Variants in RAE1 observed in about 807,000 individuals in gnomAD.
The protein encoded by RAE1 is mRNA export factor RAE1.
A neutral mutation model predicts 52.7 loss-of-function variants in RAE1; 13 were observed. The observed-to-expected ratio is 0.25, with a 90% CI of 0.16 to 0.39. RAE1 has a LOEUF of 0.39. RAE1 is among the 10% of genes least tolerant of loss of function. The pLI is 1.00. For missense variants in RAE1, 262 were observed against 459.8 expected (o/e 0.57, Z 3.93); for synonymous variants, 164 against 153.1 (o/e 1.07, Z -0.52).
In RAE1 at chr20:57,374,618, C is replaced by T. The variant is rs374583497; in HGVS notation, c.837C>T (p.Ile279=). Residue 279 remains isoleucine, a synonymous_variant, in exon 11 of 12, where the codon ATC becomes ATT. Coordinates refer to ENST00000395841, the MANE Select transcript of RAE1 (RefSeq NM_003610.4). ...GTCAATCCTTGCAGGTAAATGGAAT[C>T]GCGTTCCATCCTGTTCATGGCACCC... ...APQDIYAVNG[I]AFHPVHGTLA... The T allele has an allele frequency of 2.9e-5, 46 of 1,611,940 alleles. 1 individual carries two copies. The Middle Eastern group carries it at 4.9e-4, about 17-fold the overall frequency.
intron 1 of RAE1, chr20:57,351,826 C>G (rs73914831): frequency 1.0e-6 from 1 of 985,314 alleles, no homozygotes; most frequent in African/African-American, 1.7e-5. Context: ...GTAGCAGTTA[C>G]CAGTCTCTGA....
Position 57,356,539 on chromosome 20 carries a change from G to A in RAE1, c.288+1G>A. On this transcript the variant is annotated splice_donor_variant, in intron 4 of 11. Coordinates refer to ENST00000395841, the MANE Select transcript of RAE1 (RefSeq NM_003610.4). LOFTEE classifies it high-confidence loss of function. ...TGTGCTTGATGTCTGCTGGAGTGAC[G>A]TACGTTCCCTTCCATTTCTCGTGTT... 1.9e-6 allele frequency: 3 copies of A among 1,606,144 alleles called. No individual in the cohort carries two copies. The highest frequency in any genetic ancestry group is 1.7e-6 in the Non-Finnish European group (2 of 1,173,606).
chr20:57,365,445 AAC>A lies in RAE1; in HGVS notation c.375+5_375+6del, dbSNP rs1486599496. The stretch of plus-strand genomic sequence containing the variant: ...ACCAAGCGATACAGATCGCACAGGT[AAC>A]AGAAGCCTCTGCAGAAAGGCTAGGC... On this transcript the variant is annotated splice_donor_5th_base_variant and intron_variant, in intron 5 of 11. Transcript: ENST00000395841. 6.3e-7 allele frequency: 1 copy of A among 1,590,650 alleles called. No homozygotes were observed. Among genetic ancestry groups the A allele is most frequent in the African/African-American group, 1.3e-5 (1 of 74,426 alleles).
chr20:57,359,845 C>G (rs1600712287), intron 4 of RAE1: 1 of 152,338 alleles, frequency 6.6e-6, no homozygotes, highest in Middle Eastern at 3.4e-3. Context: ...CAATACAGTT[C>G]TTTCATCCTT....
chr20:57,368,705 A>G lies in RAE1; in HGVS notation c.535A>G (p.Ile179Val), dbSNP rs749234473. ...LPERCYCADV[I>V]YPMAVVATAE... ...ATCTCTGTTTTCTTCCATTCCCTAG[A>G]TATACCCCATGGCTGTGGTGGCAAC... The change falls in exon 8 of 12, where the codon ATA becomes GTA. Residue 179 changes from isoleucine (I) to valine (V), a missense_variant and splice_region_variant. Transcript: ENST00000395841. 3.0e-5 allele frequency: 48 copies of G among 1,606,938 alleles called. No individual in the cohort carries two copies. Among genetic ancestry groups the G allele is most frequent in the African/African-American group, 5.4e-5 (4 of 74,746 alleles).
chr20:57,375,747 C>CAT (rs1273771415), intron 11 of RAE1, among the ~76,000 whole-genome samples: 1 of 152,210 alleles, frequency 6.6e-6, no homozygotes, highest in African/African-American at 2.4e-5. Context: ...CAGCTGTACT[C>CAT]AGAGTCCCTG....
At chr20:57,359,276 A>G (rs1299440309) in intron 4 of RAE1, 1 of 317,684 alleles carries the variant, frequency 3.1e-6, no homozygotes, top group Non-Finnish European at 5.7e-6. Context: ...GGTGTTTATT[A>G]TATCATTTAT....
chr20:57,369,617 T>C (rs78525966), intron 8 of RAE1, among the ~76,000 whole-genome samples: 2 of 152,224 alleles, frequency 1.3e-5, no homozygotes, highest in South Asian at 4.1e-4. Flanking sequence ...AGAATAAAAT[T>C]ACACATCTGG....
At chr20:57,363,236 A>G (rs941552152) in intron 4 of RAE1, among the ~76,000 whole-genome samples, 2 of 152,202 alleles carry the variant, frequency 1.3e-5, no homozygotes, top group South Asian at 2.1e-4. Flanking sequence ...TTTCTTGTTT[A>G]GAAAATGAAG....
intron 1 of RAE1, among the ~76,000 whole-genome samples, chr20:57,353,611 A>G (rs2066742905): frequency 6.6e-6 from 1 of 152,244 alleles, no homozygotes; most frequent in African/African-American, 2.4e-5. Context: ...ACTAGGTGGA[A>G]ACCTGAAAGC....
chr20:57,368,900 T>G, intron 8 of RAE1, 88 bp downstream of exon 8: 1 of 1,075,426 alleles, frequency 9.3e-7, no homozygotes, highest in Non-Finnish European at 1.4e-6. Context: ...TTGTACTTTG[T>G]AAAACCTGTA....
rs1438288403 is a variant in RAE1, at chr20:57,379,145, A to G, written c.*1046A>G. ...AAAATTCTAGTATCGATAGTGTTGT[A>G]AGATGTGTTTGCCTACTCATAAAAA... On this transcript the variant is annotated 3_prime_UTR_variant, in exon 12 of 12. Coordinates refer to ENST00000395841, the MANE Select transcript of RAE1 (RefSeq NM_003610.4). 1 of 152,158 alleles carries G rather than the reference A, an allele frequency of 6.6e-6. No homozygotes were observed. Among genetic ancestry groups the G allele is most frequent in the Non-Finnish European group, 1.5e-5 (1 of 68,046 alleles). 9.4% of individuals were successfully genotyped at this position (152,158 alleles called of 1,614,324 possible).
chr20:57,369,555 T>C (rs1230929725), intron 8 of RAE1, among the ~76,000 whole-genome samples: 2 of 152,268 alleles, frequency 1.3e-5, no homozygotes, highest in Non-Finnish European at 2.9e-5. Flanking sequence ...TATAGCCATC[T>C]TGAAATATGT....
intron 4 of RAE1, among the ~76,000 whole-genome samples, chr20:57,360,886 C>T (rs998723018): frequency 3.9e-5 from 6 of 152,244 alleles, no homozygotes; most frequent in East Asian, 1.9e-4. Flanking sequence ...GATACCTGCT[C>T]CTTTTGATCC....
In RAE1 at chr20:57,365,261, G is replaced by C. The variant is rs1480614074; in HGVS notation, c.289-95G>C. 13 of 808,048 alleles carry C rather than the reference G, an allele frequency of 1.6e-5. No individual in the cohort carries two copies. In the East Asian group the frequency reaches 3.5e-4, roughly 22 times the overall value. The allele number at this position is 808,048 out of a possible 1,614,324, so 50.1% of individuals were successfully genotyped here. On this transcript the variant is annotated intron_variant, in intron 4 of 11. Coordinates refer to ENST00000395841, the MANE Select transcript of RAE1 (RefSeq NM_003610.4). ...AATTGGAAAAATAAAGATTGCCAAAGTTTGCCTCAATATGTTCAACGTAGT... is the reference window on the plus strand; with the variant it reads ...AATTGGAAAAATAAAGATTGCCAAACTTTGCCTCAATATGTTCAACGTAGT...
chr20:57,374,160 G>A (rs535294449), intron 10 of RAE1, among the ~76,000 whole-genome samples: 6 of 152,326 alleles, frequency 3.9e-5, no homozygotes, highest in East Asian at 1.9e-4. Context: ...GATTACAGGC[G>A]TGAGCCACCG....
chr20:57,375,708 T>C (rs1451219267), intron 11 of RAE1, among the ~76,000 whole-genome samples: 6 of 152,128 alleles, frequency 3.9e-5, no homozygotes, highest in African/African-American at 1.4e-4. Flanking sequence ...CCCTCCTCAG[T>C]CCACTGCCAG....
chr20:57,356,400 T>C (rs763386089), intron 3 of RAE1, 46 bp from the exon 4 acceptor site: 1 of 1,486,876 alleles, frequency 6.7e-7, no homozygotes, highest in East Asian at 2.4e-5. Flanking sequence ...ATGCAAGCAA[T>C]ACATCGTAAT....
intron 4 of RAE1, among the ~76,000 whole-genome samples, chr20:57,361,803 TG>T (rs1312551839): frequency 2.0e-5 from 3 of 152,200 alleles, no homozygotes; most frequent in Non-Finnish European, 4.4e-5. Flanking sequence ...AGGGAACCTA[TG>T]GGCAATCTTA....
Sources: gnomAD v4.1 joint callset for allele counts (sites outside exome capture counted in the v4.1 genomes callset) on GRCh38, gnomAD v4.1.1 for gene constraint, MANE v1.5 for transcripts, NCBI Gene and HGNC (gene_info 2026-07-23, HGNC 2026-07-21) for gene names.